The following CACNA1C variants were observed in gnomAD, a reference collection of about 807,000 sequenced individuals.
CACNA1C encodes calcium voltage-gated channel subunit alpha1 C, also known as voltage-dependent L-type calcium channel subunit alpha-1C.
CACNA1C carries 30 observed loss-of-function variants against 229.0 expected under a neutral mutation model. That is an observed-to-expected ratio of 0.13 (90% CI 0.10 to 0.18). The LOEUF (loss-of-function observed/expected upper bound fraction) is 0.18. Among genes scored for constraint, CACNA1C ranks in the 10% least tolerant of loss-of-function variants. The probability of loss-of-function intolerance (pLI) is 1.00; values close to 1 mark genes in which losing one functional copy is unlikely to be tolerated. For missense variants in CACNA1C, 1,658 were observed against 2,845.0 expected, an observed-to-expected ratio of 0.58 and a Z score of 9.49; for synonymous variants, 1,114 against 1,132.5, an observed-to-expected ratio of 0.98 and a Z score of 0.33.
At chr12:2,151,513 C>T (rs549310767) in intron 3 of CACNA1C, among the ~76,000 whole-genome samples, 10 of 152,294 alleles carry the variant, frequency 6.6e-5, no homozygotes, top group African/African-American at 2.4e-4. Context: ...ACAGAAGACT[C>T]ACTGGCTTTG....
Position 2,686,224 on chromosome 12 carries a change from C to T in CACNA1C, c.5739C>T (p.Asp1913=), listed in dbSNP as rs1391330801. 5 of 1,613,550 alleles carry T rather than the reference C, an allele frequency of 3.1e-6. No individual in the cohort carries two copies. The highest frequency in any genetic ancestry group is 1.1e-5 in the South Asian group (1 of 91,054). ...CLKRQKDRGG[D]ISQKTVLPLH... ...AGCGACAGAAGGACCGAGGGGGAGA[C>T]ATCTCTCAGAAGACAGTCCTGCCCT... is the stretch of plus-strand genomic sequence containing the variant. The change falls in exon 45 of 47, where the codon GAC becomes GAT. Residue 1913 remains aspartate (D), a synonymous_variant. Transcript: ENST00000399655.
At chr12:2,634,462 T>G (rs975182765) in intron 30 of CACNA1C, 82 bp downstream of exon 30, 9 of 569,986 alleles carry the variant, frequency 1.6e-5, no homozygotes, top group Middle Eastern at 2.7e-4. Context: ...TCCTTCATTT[T>G]ATTTTCTCTC....
At chr12:2,361,921 G>A (rs1227487371) in intron 3 of CACNA1C, among the ~76,000 whole-genome samples, 1 of 152,196 alleles carries the variant, frequency 6.6e-6, no homozygotes, top group African/African-American at 2.4e-5. Flanking sequence ...CAGATGGAGT[G>A]TGACGTCGAG....
At chr12:2,112,884 T>C (rs2082310601) in intron 1 of CACNA1C, among the ~76,000 whole-genome samples, 1 of 152,134 alleles carries the variant, frequency 6.6e-6, no homozygotes. Flanking sequence ...ACTGGTGTGA[T>C]GGAAAGGATA....
intron 1 of CACNA1C, among the ~76,000 whole-genome samples, chr12:2,082,469 C>G (rs7137474): frequency 6.6e-6 from 1 of 152,178 alleles, no homozygotes; most frequent in Admixed American, 6.5e-5. Flanking sequence ...CTGTCGCTCC[C>G]CAGTTTCTAT....
chr12:2,651,909 C>A lies in CACNA1C; in HGVS notation c.4074+141C>A. On this transcript the variant is annotated intron_variant, in intron 32 of 46. Transcript: ENST00000399655. This position sits in a 1 kb window ranked among gnomAD's most constrained non-coding sequence, Gnocchi z 5.4. ...GGCAGAACTCGGCCGCTCTGCCTGGCTCCCTGTTTCCGCACCGAGAGGCCT... is the reference window on the plus strand; with the variant it reads ...GGCAGAACTCGGCCGCTCTGCCTGGATCCCTGTTTCCGCACCGAGAGGCCT... The A allele has an allele frequency of 1.5e-6, 1 of 677,158 alleles. No homozygotes were observed. The highest frequency in any genetic ancestry group is 2.8e-5 in the East Asian group (1 of 36,108). The allele number at this position is 677,158 out of a possible 1,614,324, so 41.9% of individuals were successfully genotyped here. A position where few individuals can be genotyped will look rare whatever the true frequency, so the allele number is the denominator to read the frequency against.
intron 3 of CACNA1C, among the ~76,000 whole-genome samples, chr12:2,322,249 C>T (rs1435635276): frequency 6.6e-5 from 10 of 152,182 alleles, no homozygotes; most frequent in Non-Finnish European, 1.5e-4. Context: ...CGGGCTGAAT[C>T]ACAGGGGCAC....
intron 29 of CACNA1C, among the ~76,000 whole-genome samples, chr12:2,619,469 T>C (rs1290527896): frequency 6.6e-6 from 1 of 152,242 alleles, no homozygotes; most frequent in Non-Finnish European, 1.5e-5. Flanking sequence ...TCTTTCATCC[T>C]GAGCCCATGT....
At chr12:2,573,754 AAT>A (rs1275988737) in intron 13 of CACNA1C, among the ~76,000 whole-genome samples, 1 of 152,232 alleles carries the variant, frequency 6.6e-6, no homozygotes, top group Non-Finnish European at 1.5e-5. Context: ...AAAGTTTGTG[AAT>A]AGTTTCTTTA....
intron 42 of CACNA1C, chr12:2,680,513 G>C: frequency 1.3e-6 from 2 of 1,573,088 alleles, no homozygotes; most frequent in Non-Finnish European, 1.7e-6. Flanking sequence ...ACGCTTCACT[G>C]TGCTGCTCTT....
At chr12:2,183,027 A>T (rs969235365) in intron 3 of CACNA1C, among the ~76,000 whole-genome samples, 10 of 152,050 alleles carry the variant, frequency 6.6e-5, no homozygotes, top group South Asian at 2.1e-4. Context: ...TTTTGTTTTT[A>T]AAAAATTATT....
At chr12:2,297,886 A>T (rs1030725520) in intron 3 of CACNA1C, among the ~76,000 whole-genome samples, 1 of 152,190 alleles carries the variant, frequency 6.6e-6, no homozygotes, top group Non-Finnish European at 1.5e-5. Flanking sequence ...CCACACACAC[A>T]CACACGTGTG....
At chr12:2,090,310 CTTTTTTTTTTTTTT>C (rs145675982) in intron 1 of CACNA1C, among the ~76,000 whole-genome samples, 1 of 69,188 alleles carries the variant, frequency 1.4e-5, no homozygotes, top group African/African-American at 5.8e-5. Flanking sequence ...GGATAGACTA[CTTTTTTTTTTTTTT>C]TTTTTTTTTT....
At position 2,488,720 on chromosome 12, in the gene CACNA1C, C is replaced by A. The variant is rs1184904364; in HGVS notation, c.916+2458C>A. ...AAGTGCTCCAGAGAGAAGGGCCCTG[C>A]CAGGCTCCATGAGAAGGTGGCCTCA... On this transcript the variant is annotated intron_variant, in intron 6 of 46. Transcript: ENST00000399655. This position sits in a 1 kb window ranked among gnomAD's most constrained non-coding sequence, Gnocchi z 4.0. Among the ~76,000 whole-genome samples, 1 of 152,178 alleles carries A rather than the reference C, an allele frequency of 6.6e-6. No homozygotes were observed.
Position 2,115,167 on chromosome 12 carries a change from G to A in CACNA1C, c.50-57G>A, listed in dbSNP as rs1455402842. 2.5e-5 allele frequency: 33 copies of A among 1,310,304 alleles called. No homozygotes were observed. The African/African-American group carries it at 3.7e-4, about 15-fold the overall frequency. 81.2% of individuals were successfully genotyped at this position (1,310,304 alleles called of 1,614,324 possible). A position where few individuals can be genotyped will look rare whatever the true frequency, so the allele number is the denominator to read the frequency against. ...GTGAATCTGGGGTCCAGAGAGTGTC[G>A]GAAGTGCCCCTGTTTTCTATCTAGT... is the stretch of plus-strand genomic sequence containing the variant. On this transcript the variant is annotated intron_variant, in intron 1 of 46. Transcript: ENST00000399655.
intron 9 of CACNA1C, among the ~76,000 whole-genome samples, 195 bp from the exon 10 acceptor site, chr12:2,549,748 G>A (rs759115125): frequency 5.9e-5 from 9 of 152,156 alleles, no homozygotes; most frequent in Non-Finnish European, 8.8e-5. Flanking sequence ...TGTTCTTGGC[G>A]GCAAAACCTG....
chr12:2,407,756 A>G (rs1449766403), intron 3 of CACNA1C, among the ~76,000 whole-genome samples: 1 of 151,510 alleles, frequency 6.6e-6, no homozygotes, highest in Non-Finnish European at 1.5e-5. Context: ...AGCCGTCCTG[A>G]TAAGTGTGCA....
chr12:2,362,533 A>G (rs1233828115), intron 3 of CACNA1C, among the ~76,000 whole-genome samples: 1 of 152,182 alleles, frequency 6.6e-6, no homozygotes, highest in Non-Finnish European at 1.5e-5. Flanking sequence ...AAGACCACAC[A>G]GTTCAAGACA....
At chr12:2,514,532 A>T (rs1652724751) in intron 9 of CACNA1C, among the ~76,000 whole-genome samples, 1 of 152,158 alleles carries the variant, frequency 6.6e-6, no homozygotes, top group Non-Finnish European at 1.5e-5. Flanking sequence ...ACTGAGGAGT[A>T]GTTGATTAGT....
Sources: allele counts gnomAD v4.1 joint callset (sites outside exome capture counted in the v4.1 genomes callset), GRCh38; gene constraint gnomAD v4.1.1; non-coding constraint Gnocchi (gnomAD v3.1); transcripts MANE v1.5; gene names NCBI Gene and HGNC (gene_info 2026-07-23, HGNC 2026-07-21).